The following UBE3A variants were observed in gnomAD, a reference collection of about 807,000 sequenced individuals.
UBE3A encodes ubiquitin protein ligase E3A.
In UBE3A, 6 loss-of-function variants were observed where a neutral mutation model predicts 83.4. The observed-to-expected ratio is 0.07, with a 90% confidence interval of 0.04 to 0.14. UBE3A has a LOEUF of 0.14. Ranked by LOEUF, UBE3A falls within the 10% of genes least tolerant of loss-of-function variation. UBE3A has a pLI of 1.00. For missense variants in UBE3A, 456 were observed against 1,036.1 expected (o/e 0.44, Z 7.69); for synonymous variants, 337 against 355.4 (o/e 0.95, Z 0.58).
rs1402510101 is a variant in UBE3A, at chr15:25,338,976, G to A, written c.*161C>T. 6.4e-6 allele frequency: 4 copies of A among 625,460 alleles called. No homozygotes were observed. The East Asian group carries it at 1.4e-4, about 21-fold the overall frequency. The allele number at this position is 625,460 out of a possible 1,614,324, so 38.7% of individuals were successfully genotyped here. Reference sequence around the variant, plus strand: ...CACATGTCCCCAATAAAGAAGGGAGGCACAGACATAGGTGACTACTGTGGT... The same window carrying A: ...CACATGTCCCCAATAAAGAAGGGAGACACAGACATAGGTGACTACTGTGGT... On this transcript the variant is annotated 3_prime_UTR_variant, in exon 13 of 13. Coordinates refer to ENST00000648336, the MANE Select transcript of UBE3A (RefSeq NM_130839.5).
chr15:25,389,049 T>C (rs2083718483), intron 4 of UBE3A, among the ~76,000 whole-genome samples: 1 of 152,116 alleles, frequency 6.6e-6, no homozygotes, highest in Non-Finnish European at 1.5e-5. Flanking sequence ...ACACTACTGA[T>C]TTCAAGATTT....
At chr15:25,402,697 G>C (rs1567085940) in intron 4 of UBE3A, among the ~76,000 whole-genome samples, 3 of 152,200 alleles carry the variant, frequency 2.0e-5, no homozygotes, top group Admixed American at 1.3e-4. Context: ...CAGGTGAACA[G>C]TCTCTCTCTC....
intron 7 of UBE3A, among the ~76,000 whole-genome samples, chr15:25,359,052 T>A (rs2077625983): frequency 6.6e-6 from 1 of 152,184 alleles, no homozygotes; most frequent in African/African-American, 2.4e-5. Context: ...GAAGTTCCAT[T>A]TTAGGCACAT....
chr15:25,345,457 A>G (rs370211391), intron 11 of UBE3A, among the ~76,000 whole-genome samples: 4 of 152,142 alleles, frequency 2.6e-5, no homozygotes, highest in African/African-American at 9.7e-5. Context: ...GCACAAGGGC[A>G]TATTTTTGAC....
rs906808847 is a variant in UBE3A, at chr15:25,405,567, ATTAC to A, written c.21-69_21-66del. On this transcript the variant is annotated intron_variant, in intron 3 of 12. Coordinates refer to ENST00000648336, the MANE Select transcript of UBE3A (RefSeq NM_130839.5). The stretch of plus-strand genomic sequence containing the variant: ...ATATTCCAAAAAAAAAGGTAGACAT[ATTAC>A]TTAGGAAGACAATTTTGTAAACAAG... The A allele has an allele frequency of 3.9e-6, 6 of 1,534,432 alleles. No homozygotes were observed. The African/African-American group carries it at 5.5e-5, about 14-fold the overall frequency.
chr15:25,344,688 C>A (rs1215345892), intron 11 of UBE3A, among the ~76,000 whole-genome samples: 1 of 152,104 alleles, frequency 6.6e-6, no homozygotes, highest in East Asian at 1.9e-4. Flanking sequence ...TACATTAACT[C>A]CTTACTCTAA....
At position 25,337,911 on chromosome 15, in the gene UBE3A, A is replaced by G. The variant is rs2074090804; in HGVS notation, c.*1226T>C. 2 of 152,216 alleles carry G rather than the reference A, an allele frequency of 1.3e-5. No individual in the cohort carries two copies. The highest frequency in any genetic ancestry group is 2.4e-5 in the African/African-American group (1 of 41,466). The allele number at this position is 152,216 out of a possible 1,614,324, so 9.4% of individuals were successfully genotyped here. Reference sequence around the variant, plus strand: ...ACCTACTTGTACTTTTCCATAGTACATGAAAGTAACGTTTAACATGTTTTG... The same window carrying G: ...ACCTACTTGTACTTTTCCATAGTACGTGAAAGTAACGTTTAACATGTTTTG... On this transcript the variant is annotated 3_prime_UTR_variant, in exon 13 of 13. Coordinates refer to ENST00000648336, the MANE Select transcript of UBE3A (RefSeq NM_130839.5).
intron 1 of UBE3A, among the ~76,000 whole-genome samples, chr15:25,431,803 A>C (rs1029688938): frequency 2.6e-5 from 4 of 152,232 alleles, no homozygotes; most frequent in African/African-American, 9.6e-5. Context: ...TCAATTCCCA[A>C]AACAAAAACT....
At chr15:25,404,577 CA>C (rs2087984639) in intron 4 of UBE3A, among the ~76,000 whole-genome samples, 1 of 151,956 alleles carries the variant, frequency 6.6e-6, no homozygotes, top group Non-Finnish European at 1.5e-5. Flanking sequence ...CCTATTATAC[CA>C]CTGTCATTGT....
chr15:25,353,767 T>C (rs976644963), intron 11 of UBE3A, among the ~76,000 whole-genome samples: 3 of 152,162 alleles, frequency 2.0e-5, no homozygotes, highest in African/African-American at 7.2e-5. Context: ...AGCCTATGTC[T>C]TTCAGAATTG....
intron 11 of UBE3A, among the ~76,000 whole-genome samples, chr15:25,340,750 C>T (rs1408835560): frequency 6.6e-6 from 1 of 152,104 alleles, no homozygotes; most frequent in Non-Finnish European, 1.5e-5. Flanking sequence ...ACCAACTGGC[C>T]CCAAATGCAA....
chr15:25,433,215 G>A (rs1893985941), intron 1 of UBE3A, among the ~76,000 whole-genome samples: 1 of 146,226 alleles, frequency 6.8e-6, no homozygotes, highest in South Asian at 2.1e-4. Flanking sequence ...TTCTTTGAGA[G>A]GCAGTCTCAC....
intron 1 of UBE3A, among the ~76,000 whole-genome samples, chr15:25,414,684 T>C (rs1350656531): frequency 6.6e-6 from 1 of 152,208 alleles, no homozygotes; most frequent in Admixed American, 6.5e-5. Flanking sequence ...GTCTCTCTCT[T>C]TCCCAGTATA....
chr15:25,363,846 T>C (rs540656781), intron 6 of UBE3A, among the ~76,000 whole-genome samples: 24 of 152,134 alleles, frequency 1.6e-4, no homozygotes, highest in African/African-American at 5.8e-4. Context: ...TTATTACCTA[T>C]TTTAGATTAC....
chr15:25,375,440 C>A, intron 5 of UBE3A, 25 bp downstream of exon 5: 1 of 1,611,180 alleles, frequency 6.2e-7, no homozygotes, highest in Non-Finnish European at 8.5e-7. Flanking sequence ...GGCAACAATT[C>A]TCAATTGAAA....
At chr15:25,394,319 T>C (rs953891464) in intron 4 of UBE3A, among the ~76,000 whole-genome samples, 3 of 152,174 alleles carry the variant, frequency 2.0e-5, no homozygotes, top group African/African-American at 7.2e-5. Flanking sequence ...CTTTCTCTAA[T>C]TATTTGACCT....
intron 4 of UBE3A, among the ~76,000 whole-genome samples, chr15:25,382,115 G>A (rs1420324752): frequency 2.6e-5 from 4 of 152,102 alleles, no homozygotes; most frequent in Non-Finnish European, 5.9e-5. Context: ...TCAGGAGATC[G>A]AGACCATCCT....
At chr15:25,407,237 C>A in intron 3 of UBE3A, 1 of 1,156,834 alleles carries the variant, frequency 8.6e-7, no homozygotes. Flanking sequence ...AGCTGGCTTG[C>A]AAAACAAAAA....
chr15:25,422,572 A>T (rs558623824), intron 1 of UBE3A, among the ~76,000 whole-genome samples: 1 of 152,178 alleles, frequency 6.6e-6, no homozygotes, highest in Non-Finnish European at 1.5e-5. Flanking sequence ...TGACAAATGC[A>T]ATCCAGATCT....
Sources: gnomAD v4.1 joint callset for allele counts (sites outside exome capture counted in the v4.1 genomes callset) on GRCh38, gnomAD v4.1.1 for gene constraint, MANE v1.5 for transcripts, NCBI Gene and HGNC (gene_info 2026-07-23, HGNC 2026-07-21) for gene names.